The following AAAS variants were observed in gnomAD, a reference collection of about 807,000 sequenced individuals.
AAAS encodes aladin WD repeat nucleoporin, also known as aladin.
AAAS carries 60 observed loss-of-function variants against 75.6 expected under a neutral mutation model. The observed-to-expected ratio is 0.79, with a 90% confidence interval of 0.64 to 0.98. The LOEUF (loss-of-function observed/expected upper bound fraction) is 0.98. Ranked by LOEUF, AAAS falls within the 50% of genes least tolerant of loss-of-function variation. The pLI is 0.00. For synonymous variants in AAAS, 271 were observed against 265.0 expected (o/e 1.02, Z -0.22); for missense variants, 658 against 686.9 (o/e 0.96, Z 0.47).
chr12:53,319,802 CA>C (rs11339214), intron 2 of AAAS, among the ~76,000 whole-genome samples: 1,452 of 19,584 alleles, frequency 0.074, 23 homozygotes, highest in South Asian at 0.25. Context: ...GACTCCGTCT[CA>C]AAAAAAAAAA....
intron 7 of AAAS, among the ~76,000 whole-genome samples, chr12:53,313,147 C>T (rs757715073): frequency 1.4e-4 from 19 of 135,912 alleles, no homozygotes; most frequent in African/African-American, 2.4e-4. Flanking sequence ...TGAGCCACCG[C>T]GCCTGGCCTT....
chr12:53,321,008 A>G (rs1944544989), intron 1 of AAAS: 1 of 535,732 alleles, frequency 1.9e-6, no homozygotes, highest in South Asian at 2.1e-5. Context: ...TCCCAGGAAC[A>G]CCATGGAAAA....
At chr12:53,314,925 A>T (rs1944440302) in intron 5 of AAAS, 76 bp from the exon 6 acceptor site, 1 of 1,509,840 alleles carries the variant, frequency 6.6e-7, no homozygotes, top group African/African-American at 1.4e-5. Flanking sequence ...CATTTCCAGT[A>T]AGGACATGGT....
chr12:53,320,547 C>G lies in AAAS; in HGVS notation c.251+18G>C. 1 of 1,613,288 alleles carries G rather than the reference C, an allele frequency of 6.2e-7. No homozygotes were observed. On this transcript the variant is annotated intron_variant, in intron 2 of 15. Transcript: ENST00000209873. The stretch of plus-strand genomic sequence containing the variant: ...GATCTGCAGACTGTGACCCAGGAAA[C>G]CCTTTGCCATGCCTCACCAAATGTT...
intron 7 of AAAS, among the ~76,000 whole-genome samples, chr12:53,312,170 A>G (rs557314358): frequency 2.7e-5 from 4 of 149,820 alleles, no homozygotes; most frequent in African/African-American, 9.8e-5. Flanking sequence ...CCGAGATTGC[A>G]CCACTGCACT....
chr12:53,319,660 TG>T (rs1332511841), intron 2 of AAAS, among the ~76,000 whole-genome samples: 1 of 151,002 alleles, frequency 6.6e-6, no homozygotes, highest in Non-Finnish European at 1.5e-5. Flanking sequence ...AAAAGTTAGC[TG>T]GGCGTGGTGG....
At chr12:53,315,072 G>A in intron 5 of AAAS, 22 bp downstream of exon 5, 1 of 1,613,890 alleles carries the variant, frequency 6.2e-7, no homozygotes, top group Non-Finnish European at 8.5e-7. Flanking sequence ...TTTCCACAAA[G>A]CTCCAGGGCT....
At chr12:53,308,673 G>A (rs1592512511) in intron 11 of AAAS, 52 bp downstream of exon 11, 4 of 1,606,790 alleles carry the variant, frequency 2.5e-6, no homozygotes, top group East Asian at 4.5e-5. Flanking sequence ...CTTACCAAAG[G>A]TTGCTGCCTC....
intron 2 of AAAS, among the ~76,000 whole-genome samples, chr12:53,316,034 G>A (rs542326967): frequency 1.3e-4 from 20 of 152,342 alleles, no homozygotes; most frequent in African/African-American, 4.3e-4. Flanking sequence ...AGGTTAAGGA[G>A]TTGGGACTTG....
At position 53,308,051 on chromosome 12, in the gene AAAS, C is replaced by A. The variant is rs150511103; in HGVS notation, c.1331+1G>T. 1 of 1,614,202 alleles carries A rather than the reference C, an allele frequency of 6.2e-7. No homozygotes were observed. The highest frequency in any genetic ancestry group is 8.5e-7 in the Non-Finnish European group (1 of 1,180,032). On this transcript the variant is annotated splice_donor_variant, in intron 14 of 15. Coordinates refer to ENST00000209873, the MANE Select transcript of AAAS (RefSeq NM_015665.6). LOFTEE classifies it high-confidence loss of function. The stretch of plus-strand genomic sequence containing the variant: ...GACCTAAGGGCCCACATGGCACTTA[C>A]CAGGGAAGGAGCTCAAACACAGGGC...
intron 7 of AAAS, among the ~76,000 whole-genome samples, chr12:53,311,298 T>C (rs2136804748): frequency 6.6e-6 from 1 of 152,292 alleles, no homozygotes; most frequent in Non-Finnish European, 1.5e-5. Context: ...TCCGCTCTTG[T>C]CACCCAGGCT....
Position 53,307,629 on chromosome 12 carries a change from C to T in AAAS, c.1501G>A (p.Ala501Thr). The T allele has an allele frequency of 1.2e-6, 2 of 1,614,190 alleles. No individual in the cohort carries two copies. The highest frequency in any genetic ancestry group is 1.1e-5 in the South Asian group (1 of 91,086). Reference sequence around the variant, plus strand: ...CCACCCCCAGCAGGGGGTTCCTGGGCCCGCCCAAGCACTGGGCTAAAACGT... The same window carrying T: ...CCACCCCCAGCAGGGGGTTCCTGGGTCCGCCCAAGCACTGGGCTAAAACGT... The part of the protein sequence containing the change: ...FPRFSPVLGR[A>T]QEPPAGGGGS... The change falls in exon 16 of 16, where the codon GCC (alanine) becomes ACC (threonine). Residue 501 changes from alanine to threonine, a missense_variant. Coordinates refer to ENST00000209873, the MANE Select transcript of AAAS (RefSeq NM_015665.6).
chr12:53,312,103 G>A (rs1019888920), intron 7 of AAAS, among the ~76,000 whole-genome samples: 4 of 151,848 alleles, frequency 2.6e-5, no homozygotes, highest in African/African-American at 9.7e-5. Flanking sequence ...TGAGGCGGGC[G>A]GATCACGAAG....
chr12:53,309,915 C>T, intron 7 of AAAS, 194 bp from the exon 8 acceptor site: 1 of 804,288 alleles, frequency 1.2e-6, no homozygotes, highest in Middle Eastern at 3.6e-4. Context: ...ACCAAGTCAC[C>T]ACGAGCAGGT....
At position 53,307,619 on chromosome 12, in the gene AAAS, G is replaced by T; in HGVS notation, c.1511C>A (p.Pro504His). Reference protein sequence around the residue: ...FSPVLGRAQEPPAGGGGSIHD... With the variant: ...FSPVLGRAQEHPAGGGGSIHD... Reference sequence around the variant, plus strand: ...AATAGAGCCTCCACCCCCAGCAGGGGGTTCCTGGGCCCGCCCAAGCACTGG... The same window carrying T: ...AATAGAGCCTCCACCCCCAGCAGGGTGTTCCTGGGCCCGCCCAAGCACTGG... The change falls in exon 16 of 16, where the codon CCC (proline) becomes CAC (histidine). Residue 504 changes from proline to histidine, a missense_variant. By Grantham distance (77) the Pro-to-His change is moderately conservative. Coordinates refer to ENST00000209873, the MANE Select transcript of AAAS (RefSeq NM_015665.6). The T allele has an allele frequency of 6.2e-7, 1 of 1,614,226 alleles. No homozygotes were observed. Among genetic ancestry groups the T allele is most frequent in the South Asian group, 1.1e-5 (1 of 91,090 alleles).
Position 53,319,820 on chromosome 12 carries a change from AAAAAAG to A in AAAS, c.251+739_251+744del, listed in dbSNP as rs1565784157. 2.7e-3 allele frequency among the ~76,000 whole-genome samples: 59 copies of A among 21,516 alleles called. 2 individuals carry two copies. The highest frequency in any genetic ancestry group is 4.8e-3 in the African/African-American group (40 of 8,256). 14.1% of individuals were successfully genotyped at this position (21,516 alleles called of 152,430 possible). ...TCCGTCTCAAAAAAAAAAAAAAAAAAAAAAAGAAAAAGAAAATGAGCCGGGCGCGGT... is the reference window on the plus strand; with the variant it reads ...TCCGTCTCAAAAAAAAAAAAAAAAAAAAAAAGAAAATGAGCCGGGCGCGGT... On this transcript the variant is annotated intron_variant, in intron 2 of 15. Transcript: ENST00000209873.
At position 53,321,339 on chromosome 12, in the gene AAAS, C is replaced by T; in HGVS notation, c.123+4G>A. 4 of 1,613,476 alleles carry T rather than the reference C, an allele frequency of 2.5e-6. No homozygotes were observed. The highest frequency in any genetic ancestry group is 3.4e-6 in the Non-Finnish European group (4 of 1,179,894). On this transcript the variant is annotated splice_donor_region_variant and intron_variant, in intron 1 of 15. Coordinates refer to ENST00000209873, the MANE Select transcript of AAAS (RefSeq NM_015665.6). ...TAGGTCCCCTCCCTCCTCGCCCTGG[C>T]CACCTGGCCCCGGAAGTCGGGGGGC...
intron 7 of AAAS, among the ~76,000 whole-genome samples, chr12:53,312,086 G>C (rs879453158): frequency 1.3e-5 from 2 of 152,012 alleles, no homozygotes; most frequent in African/African-American, 2.4e-5. Flanking sequence ...CCAGCACTCT[G>C]GGATGCTGAG....
At chr12:53,316,916 C>T (rs1322835205) in intron 2 of AAAS, among the ~76,000 whole-genome samples, 1 of 146,376 alleles carries the variant, frequency 6.8e-6, no homozygotes. Flanking sequence ...GCTGTCTCTA[C>T]AAAAAAAAAT....
Sources: gnomAD v4.1 joint callset for allele counts (sites outside exome capture counted in the v4.1 genomes callset) on GRCh38, gnomAD v4.1.1 for gene constraint, MANE v1.5 for transcripts, NCBI Gene and HGNC (gene_info 2026-07-23, HGNC 2026-07-21) for gene names.